RAP1GAP: variants seen among roughly 807,000 people sequenced by gnomAD.
RAP1GAP encodes RAP1 GTPase activating protein.
In RAP1GAP, 35 loss-of-function variants were observed where a neutral mutation model predicts 87.2. That is an observed-to-expected ratio of 0.40 (90% CI 0.31 to 0.53). RAP1GAP has a LOEUF of 0.53. Among genes scored for constraint, RAP1GAP ranks in the 20% least tolerant of loss-of-function variants. The probability of loss-of-function intolerance (pLI) is 0.48; values close to 1 mark genes in which losing one functional copy is unlikely to be tolerated. For synonymous variants in RAP1GAP, 375 were observed against 363.9 expected, an observed-to-expected ratio of 1.03 and a Z score of -0.35; for missense variants, 734 against 898.9, an observed-to-expected ratio of 0.82 and a Z score of 2.35.
At chr1:21,641,482 G>A (rs1039637164) in intron 2 of RAP1GAP, among the ~76,000 whole-genome samples, 4 of 152,056 alleles carry the variant, frequency 2.6e-5, no homozygotes, top group African/African-American at 4.8e-5. Flanking sequence ...CACCCCATCC[G>A]TACTACACAT....
At position 21,609,514 on chromosome 1, in the gene RAP1GAP, C is replaced by A; in HGVS notation, c.1071+61G>T. 1 of 1,013,870 alleles carries A rather than the reference C, an allele frequency of 9.9e-7. No individual in the cohort carries two copies. The allele number at this position is 1,013,870 out of a possible 1,614,324, so 62.8% of individuals were successfully genotyped here. A position where few individuals can be genotyped will look rare whatever the true frequency, so the allele number is the denominator to read the frequency against. ...GACCTCATAAGGCAGAATGTGTATG[C>A]ACCCCCCAGGCCCCCACCCATTTGT... On this transcript the variant is annotated intron_variant, in intron 15 of 24. Transcript: ENST00000374765. The surrounding 1 kb of genome is among the most constrained non-coding windows in gnomAD (Gnocchi z 4.4).
chr1:21,658,941 C>CTTTTT (rs35740242), intron 1 of RAP1GAP, among the ~76,000 whole-genome samples: 5 of 132,406 alleles, frequency 3.8e-5, no homozygotes, highest in African/African-American at 1.1e-4. Flanking sequence ...ATGAAGAACG[C>CTTTTT]TTTTTTTTTT....
intron 3 of RAP1GAP, among the ~76,000 whole-genome samples, chr1:21,624,481 A>G (rs1010651347): frequency 6.6e-6 from 1 of 152,164 alleles, no homozygotes; most frequent in Non-Finnish European, 1.5e-5. Context: ...GATGCCATCC[A>G]TGTTATAAAT....
intron 1 of RAP1GAP, among the ~76,000 whole-genome samples, chr1:21,663,610 G>A (rs1393701979): frequency 6.6e-6 from 1 of 152,186 alleles, no homozygotes; most frequent in Admixed American, 6.5e-5. Context: ...CCTGAATCAA[G>A]GAGTGAGGCC....
intron 7 of RAP1GAP, 99 bp downstream of exon 7, chr1:21,617,207 G>T: frequency 7.3e-7 from 1 of 1,367,768 alleles, no homozygotes; most frequent in Non-Finnish European, 9.9e-7. Context: ...CTGTCACCCA[G>T]CCCTGGCCCA....
intron 4 of RAP1GAP, 109 bp downstream of exon 4, chr1:21,619,906 C>T (rs1328781851): frequency 2.4e-5 from 28 of 1,176,782 alleles, no homozygotes; most frequent in Admixed American, 7.2e-5. Flanking sequence ...CTTCTACTGG[C>T]GTGGCCTGTC....
intron 13 of RAP1GAP, among the ~76,000 whole-genome samples, chr1:21,611,226 T>C (rs1239742474): frequency 6.6e-6 from 1 of 152,258 alleles, no homozygotes; most frequent in Non-Finnish European, 1.5e-5. Flanking sequence ...AGTCCCTCTA[T>C]GCACCCACGC....
chr1:21,604,609 A>G (rs975963597), intron 18 of RAP1GAP, among the ~76,000 whole-genome samples: 6 of 152,134 alleles, frequency 3.9e-5, no homozygotes, highest in Non-Finnish European at 5.9e-5. Flanking sequence ...GTGGAGAGGA[A>G]GGGAGTGGTT....
At position 21,610,347 on chromosome 1, in the gene RAP1GAP, GT is replaced by G. The variant is rs2077463665; in HGVS notation, c.844-73del. 4 of 1,539,546 alleles carry G rather than the reference GT, an allele frequency of 2.6e-6. No homozygotes were observed. The African/African-American group carries it at 4.1e-5, about 16-fold the overall frequency. The stretch of plus-strand genomic sequence containing the variant: ...ATGGGGGAGAGGGGTGCCCACGGGG[GT>G]TTAGGAGGGTTTGGGGTAGTCAGAG... On this transcript the variant is annotated intron_variant, in intron 13 of 24. Transcript: ENST00000374765.
chr1:21,608,541 T>G (rs1176521712), intron 16 of RAP1GAP, among the ~76,000 whole-genome samples, 191 bp from the exon 17 acceptor site: 3 of 148,198 alleles, frequency 2.0e-5, no homozygotes, highest in Non-Finnish European at 4.5e-5. Flanking sequence ...GGGACCCTCA[T>G]ATGAAGGGCC....
chr1:21,650,891 G>A (rs983245732), intron 1 of RAP1GAP, among the ~76,000 whole-genome samples: 1 of 152,086 alleles, frequency 6.6e-6, no homozygotes, highest in South Asian at 2.1e-4. Context: ...AGGCAGCTTG[G>A]ACACAATCCC....
chr1:21,659,305 C>T (rs1454295465), intron 1 of RAP1GAP, among the ~76,000 whole-genome samples: 2 of 152,224 alleles, frequency 1.3e-5, no homozygotes, highest in South Asian at 2.1e-4. Context: ...GCGACGGCCG[C>T]CCGGGCTCCA....
intron 2 of RAP1GAP, among the ~76,000 whole-genome samples, chr1:21,643,621 C>A (rs1280153862): frequency 6.6e-6 from 1 of 152,050 alleles, no homozygotes; most frequent in African/African-American, 2.4e-5. Context: ...TCTACTCACC[C>A]CCTGTGGCCA....
chr1:21,606,250 T>G, intron 17 of RAP1GAP, 53 bp from the exon 18 acceptor site: 1 of 1,539,014 alleles, frequency 6.5e-7, no homozygotes, highest in Non-Finnish European at 8.7e-7. Context: ...GGCCGTCCCC[T>G]TGGGGAAACC....
intron 7 of RAP1GAP, among the ~76,000 whole-genome samples, chr1:21,616,463 C>T (rs769996814): frequency 6.6e-6 from 1 of 152,190 alleles, no homozygotes; most frequent in Non-Finnish European, 1.5e-5. Flanking sequence ...TTTTCACCGA[C>T]GAGGAAAGTT....
At chr1:21,635,758 C>T (rs1478729564) in intron 2 of RAP1GAP, among the ~76,000 whole-genome samples, 1 of 152,248 alleles carries the variant, frequency 6.6e-6, no homozygotes, top group Admixed American at 6.5e-5. Context: ...GACAAGGTCA[C>T]CATCTCCTAA....
rs74984661 is a variant in RAP1GAP at position 21,602,724 on chromosome 1, C to A, written c.1538+80G>T. 2.7e-3 allele frequency: 3,450 copies of A among 1,296,754 alleles called. 81 individuals carry two copies. The African/African-American group carries it at 0.045, about 17-fold the overall frequency. 80.3% of individuals were successfully genotyped at this position (1,296,754 alleles called of 1,614,324 possible). On this transcript the variant is annotated intron_variant, in intron 19 of 24. Transcript: ENST00000374765. ...GAGGCAGAGGGGCGGGCACTCCCTT[C>A]TGCCTGCCTTGCTTTGCCACCGAAT...
Position 21,622,077 on chromosome 1 carries a change from G to A in RAP1GAP, c.-18-2027C>T, listed in dbSNP as rs1320452222. ...AGGGGCAGGGTAAAGTGGTCCCGAC[G>A]GTAGCACGCACCCACACACACCCTG... On this transcript the variant is annotated intron_variant, in intron 3 of 24. Transcript: ENST00000374765. This position sits in a 1 kb window ranked among gnomAD's most constrained non-coding sequence, Gnocchi z 5.7. Among the ~76,000 whole-genome samples, 1 of 152,116 alleles carries A rather than the reference G, an allele frequency of 6.6e-6. No homozygotes were observed. Among genetic ancestry groups the A allele is most frequent in the Non-Finnish European group, 1.5e-5 (1 of 68,004 alleles).
chr1:21,612,238 G>A (rs971145883), intron 10 of RAP1GAP, 129 bp from the exon 11 acceptor site: 4 of 748,150 alleles, frequency 5.3e-6, no homozygotes, highest in Non-Finnish European at 9.3e-6. Context: ...GAACAAGCCT[G>A]GGAGGGAGAC....
Sources: gnomAD v4.1 joint callset for allele counts (sites outside exome capture counted in the v4.1 genomes callset) on GRCh38, gnomAD v4.1.1 for gene constraint, Gnocchi (gnomAD v3.1) non-coding constraint, MANE v1.5 for transcripts, NCBI Gene and HGNC (gene_info 2026-07-23, HGNC 2026-07-21) for gene names.